The following DISC1 variants were observed in gnomAD, a reference collection of about 807,000 sequenced individuals.
DISC1 encodes disrupted in schizophrenia 1 protein.
A neutral mutation model predicts 84.5 loss-of-function variants in DISC1; 57 were observed. That is an observed-to-expected ratio of 0.67 (90% confidence interval 0.55 to 0.84). The LOEUF is 0.84. Ranked by LOEUF, DISC1 falls within the 40% of genes least tolerant of loss-of-function variation. The pLI, the probability that DISC1 is intolerant of heterozygous loss-of-function variation, is 0.00. For missense variants in DISC1, 1,000 were observed against 1,057.8 expected (o/e 0.95, Z 0.76); for synonymous variants, 411 against 415.2 (o/e 0.99, Z 0.12).
rs182176231 is a variant in DISC1, at chr1:231,987,842, A to G, written c.2043-20943A>G. On this transcript the variant is annotated intron_variant, in intron 10 of 12. Transcript: ENST00000439617. ...ATTCAGATCAATTTGCATCTAAATT[A>G]TATGAGTGCATGTGACTTGGCAATC... is the stretch of plus-strand genomic sequence containing the variant. Among the ~76,000 whole-genome samples, 865 of 152,340 alleles carry G rather than the reference A, an allele frequency of 5.7e-3. 3 individuals are homozygous for G. The highest frequency in any genetic ancestry group is 9.2e-3 in the Non-Finnish European group (624 of 68,024).
At chr1:231,705,859 G>T (rs1205645122) in intron 3 of DISC1, among the ~76,000 whole-genome samples, 3 of 152,128 alleles carry the variant, frequency 2.0e-5, no homozygotes, top group Admixed American at 2.0e-4. Flanking sequence ...AGGGGAAGGG[G>T]TCTGCCGGAA....
Position 231,994,870 on chromosome 1 carries a change from G to A in DISC1, c.2043-13915G>A, listed in dbSNP as rs186309963. Among the ~76,000 whole-genome samples the A allele has an allele frequency of 3.3e-5, 5 of 152,230 alleles. No homozygotes were observed. In the East Asian group the frequency reaches 9.7e-4, roughly 29 times the overall value. On this transcript the variant is annotated intron_variant, in intron 10 of 12. Transcript: ENST00000439617. ...CATCACCTTCTAACTAACAATCCAG[G>A]GAGGGGTTGCTATCCATTGTGTTCT... is the stretch of plus-strand genomic sequence containing the variant.
chr1:231,999,274 C>G (rs821660), intron 10 of DISC1, among the ~76,000 whole-genome samples: 2 of 151,984 alleles, frequency 1.3e-5, no homozygotes, highest in Admixed American at 6.5e-5. Flanking sequence ...TCTGAAAGAC[C>G]GTGAGAGGAC....
At chr1:231,937,727 AGGGGACCCGGCTTCGATGGGGT>A (rs1338877464) in intron 9 of DISC1, among the ~76,000 whole-genome samples, 1 of 152,248 alleles carries the variant, frequency 6.6e-6, no homozygotes, top group East Asian at 1.9e-4. Flanking sequence ...TGGGGACTGA[AGGGGACCCGGCTTCGATGGGGT>A]GGGGAAGCAC....
intron 11 of DISC1, among the ~76,000 whole-genome samples, chr1:232,021,333 TACACACACACACACAC>T (rs36231584): frequency 0.079 from 11,718 of 148,238 alleles, 583 homozygotes; most frequent in Admixed American, 0.11. Context: ...ACTTGTTCTA[TACACACACACACACAC>T]ACACACACAC....
intron 9 of DISC1, among the ~76,000 whole-genome samples, chr1:231,850,123 G>C (rs113165225): frequency 6.6e-6 from 1 of 152,188 alleles, no homozygotes; most frequent in Admixed American, 6.5e-5. Context: ...CCCCACCTAC[G>C]GAGAACTCTG....
chr1:231,871,514 G>C (rs146657668), intron 9 of DISC1, among the ~76,000 whole-genome samples: 1 of 152,354 alleles, frequency 6.6e-6, no homozygotes, highest in Non-Finnish European at 1.5e-5. Flanking sequence ...TGATGTGGAA[G>C]TGCAGTTGAA....
intron 9 of DISC1, among the ~76,000 whole-genome samples, chr1:231,917,716 G>A (rs74144192): frequency 0.018 from 2,772 of 152,260 alleles, 82 homozygotes; most frequent in African/African-American, 0.063. Flanking sequence ...CCCAAGATGG[G>A]CAGAGAGCCT....
At chr1:231,961,736 C>T (rs1264263198) in intron 10 of DISC1, among the ~76,000 whole-genome samples, 2 of 152,160 alleles carry the variant, frequency 1.3e-5, no homozygotes, top group African/African-American at 2.4e-5. Context: ...CTGCATAGTA[C>T]TCTGTGGTAT....
At chr1:232,016,590 G>A (rs113257972) in intron 11 of DISC1, among the ~76,000 whole-genome samples, 14 of 152,320 alleles carry the variant, frequency 9.2e-5, no homozygotes, top group African/African-American at 1.9e-4. Context: ...AATATAAACT[G>A]TAGCTTTTCA....
chr1:232,021,830 T>C (rs1459560969), intron 11 of DISC1, among the ~76,000 whole-genome samples: 2 of 152,162 alleles, frequency 1.3e-5, no homozygotes, highest in South Asian at 2.1e-4. Flanking sequence ...TGCTCCACAA[T>C]GTCTGGGTGT....
chr1:231,831,209 G>C (rs1426283655), intron 9 of DISC1, among the ~76,000 whole-genome samples: 1 of 152,172 alleles, frequency 6.6e-6, no homozygotes, highest in Non-Finnish European at 1.5e-5. Flanking sequence ...GTAGGGAAGG[G>C]AGGAGGCCTG....
chr1:231,735,706 T>C (rs1394382501), intron 3 of DISC1, among the ~76,000 whole-genome samples: 23 of 152,272 alleles, frequency 1.5e-4, no homozygotes, highest in Admixed American at 1.5e-3. Context: ...GAGGATAAAA[T>C]GATTGATATG....
intron 3 of DISC1, among the ~76,000 whole-genome samples, chr1:231,740,128 T>C (rs1402990668): frequency 6.6e-6 from 1 of 152,188 alleles, no homozygotes; most frequent in Non-Finnish European, 1.5e-5. Flanking sequence ...GGCAGCTTGA[T>C]CTTCGACTTC....
intron 11 of DISC1, among the ~76,000 whole-genome samples, chr1:232,014,959 G>T (rs1432082784): frequency 6.6e-6 from 1 of 152,148 alleles, no homozygotes; most frequent in East Asian, 1.9e-4. Flanking sequence ...AATATAACTG[G>T]CCTACAGAAG....
At chr1:231,717,888 T>C (rs1225166212) in intron 3 of DISC1, among the ~76,000 whole-genome samples, 1 of 152,184 alleles carries the variant, frequency 6.6e-6, no homozygotes, top group Non-Finnish European at 1.5e-5. Flanking sequence ...CCAATACTAT[T>C]GTATAGAATG....
intron 3 of DISC1, among the ~76,000 whole-genome samples, chr1:231,743,679 G>T (rs945582236): frequency 4.6e-5 from 7 of 152,206 alleles, no homozygotes; most frequent in Admixed American, 4.6e-4. Flanking sequence ...TATTTTAAGT[G>T]GGGTGTCTGA....
In DISC1 at chr1:231,631,306, C is replaced by T. The variant is rs183642228; in HGVS notation, c.67+4372C>T. ...AATGTCACATATGTGAGAGTGGTCC[C>T]ATAAGATTATACTGGGCTGTCAATT... On this transcript the variant is annotated intron_variant, in intron 1 of 12. Transcript: ENST00000439617. 1.3e-3 allele frequency among the ~76,000 whole-genome samples: 204 copies of T among 152,296 alleles called. 1 individual carries two copies. Among genetic ancestry groups the T allele is most frequent in the African/African-American group, 4.7e-3 (195 of 41,564 alleles).
intron 4 of DISC1, among the ~76,000 whole-genome samples, chr1:231,760,905 C>T (rs897100818): frequency 1.3e-5 from 2 of 152,150 alleles, no homozygotes; most frequent in African/African-American, 2.4e-5. Flanking sequence ...CTTAACAAGC[C>T]GGCACAGGAA....
Sources: gnomAD v4.1 joint callset for allele counts (sites outside exome capture counted in the v4.1 genomes callset) on GRCh38, gnomAD v4.1.1 for gene constraint, MANE v1.5 for transcripts, NCBI Gene and HGNC (gene_info 2026-07-23, HGNC 2026-07-21) for gene names.